Variants in NSMCE4A observed in about 807,000 individuals in gnomAD.
The protein encoded by NSMCE4A is non-structural maintenance of chromosomes element 4 homolog A.
Under a neutral mutation model 47.9 loss-of-function variants are expected in NSMCE4A, and 40 were observed. The ratio of observed to expected loss-of-function variants is 0.83; its 90% CI spans 0.65 to 1.09. NSMCE4A has a LOEUF of 1.09. NSMCE4A is among the 50% of genes least tolerant of loss of function. The pLI is 0.00. For synonymous variants in NSMCE4A, 166 were observed against 178.5 expected (o/e 0.93, Z 0.56); for missense variants, 500 against 507.0 (o/e 0.99, Z 0.13).
chr10:121,964,664 A>C (rs968337270), intron 5 of NSMCE4A, among the ~76,000 whole-genome samples: 37 of 137,196 alleles, frequency 2.7e-4, no homozygotes, highest in Middle Eastern at 5.8e-3. Flanking sequence ...CTGGTCTCGA[A>C]CTCCTGACCT....
chr10:121,958,568 T>G (rs564662486), intron 10 of NSMCE4A, among the ~76,000 whole-genome samples: 93 of 152,162 alleles, frequency 6.1e-4, no homozygotes, highest in Non-Finnish European at 1.2e-3. Flanking sequence ...AACAACAACA[T>G]GGATGAGAGG....
chr10:121,964,586 C>T (rs992200693), intron 5 of NSMCE4A, among the ~76,000 whole-genome samples: 7 of 152,112 alleles, frequency 4.6e-5, no homozygotes, highest in Non-Finnish European at 1.0e-4. Flanking sequence ...GGACTACAGG[C>T]ACCTGCCACC....
chr10:121,963,970 C>A (rs1952553195), intron 5 of NSMCE4A, among the ~76,000 whole-genome samples: 1 of 151,246 alleles, frequency 6.6e-6, no homozygotes, highest in Admixed American at 6.6e-5. Flanking sequence ...GTGGTGCCTG[C>A]CTGTAATCCC....
Position 121,967,825 on chromosome 10 carries a change from AC to A in NSMCE4A, c.502-20del. ...GTGTGAGCTACAAAAATGAAGGAAA[AC>A]AAAAAACCCAGTTAAGCCACATGCA... On this transcript the variant is annotated intron_variant, in intron 3 of 10. Coordinates refer to ENST00000369023, the MANE Select transcript of NSMCE4A (RefSeq NM_017615.3). 1 of 1,597,128 alleles carries A rather than the reference AC, an allele frequency of 6.3e-7. No individual in the cohort carries two copies. The highest frequency in any genetic ancestry group is 1.4e-5 in the African/African-American group (1 of 73,912).
intron 6 of NSMCE4A, chr10:121,962,109 TAAAAAAAA>T: frequency 3.4e-6 from 1 of 294,426 alleles, no homozygotes. Flanking sequence ...GACTGTCTCC[TAAAAAAAA>T]AAAAAAAAAA....
chr10:121,960,568 T>G lies in NSMCE4A; in HGVS notation c.940-162A>C, dbSNP rs1952479965. On this transcript the variant is annotated intron_variant, in intron 7 of 10. Transcript: ENST00000369023. The surrounding 1 kb of genome is among the most constrained non-coding windows in gnomAD (Gnocchi z 4.2). ...ATAGATAAGACTTCCCTAGTATCTT[T>G]TATTTACACAGGGTATCTTTGGGTT... Among the ~76,000 whole-genome samples the G allele has an allele frequency of 1.3e-5, 2 of 152,226 alleles. No individual in the cohort carries two copies. Among genetic ancestry groups the G allele is most frequent in the Non-Finnish European group, 2.9e-5 (2 of 68,030 alleles).
intron 4 of NSMCE4A, 67 bp downstream of exon 4, chr10:121,967,588 C>A: frequency 6.7e-7 from 1 of 1,495,688 alleles, no homozygotes; most frequent in South Asian, 1.3e-5. Flanking sequence ...TAATCTTTGT[C>A]CCTACAAGAA....
rs1253874191 is a variant in NSMCE4A, at chr10:121,965,373, T to A, written c.666A>T (p.Ile222=). ...GCTTTGGCACAGGGCACTCTCCGTA[T>A]ATTGAACCCAACCTAATGAAAAGTA... ...THTFHFLLGS[I]YGECPVPKPR... The change falls in exon 5 of 11, where the codon ATA becomes ATT. Residue 222 remains isoleucine, a synonymous_variant. Transcript: ENST00000369023. 6.2e-7 allele frequency: 1 copy of A among 1,611,422 alleles called. No individual in the cohort carries two copies. Among genetic ancestry groups the A allele is most frequent in the Non-Finnish European group, 8.5e-7 (1 of 1,179,082 alleles).
rs1257490761 is a variant in NSMCE4A at position 121,973,882 on chromosome 10, T to C, written c.370+122A>G. The stretch of plus-strand genomic sequence containing the variant: ...GGCATTATTGCTATAATGAAACGGT[T>C]CCCGAACTGGGAAAGCACTATTACA... On this transcript the variant is annotated intron_variant, in intron 2 of 10. Transcript: ENST00000369023. 3 of 680,322 alleles carry C rather than the reference T, an allele frequency of 4.4e-6. No individual in the cohort carries two copies. The African/African-American group carries it at 5.4e-5, about 12-fold the overall frequency. The allele number at this position is 680,322 out of a possible 1,614,324, so 42.1% of individuals were successfully genotyped here.
At chr10:121,972,215 G>A (rs12248004) in intron 2 of NSMCE4A, among the ~76,000 whole-genome samples, 20,042 of 152,068 alleles carry the variant, frequency 0.13, 1,517 homozygotes, top group Non-Finnish European at 0.17. Flanking sequence ...CCAGCTACTC[G>A]GGTGGCTGAA....
At chr10:121,959,439 C>T (rs767119381) in intron 9 of NSMCE4A, 29 bp from the exon 10 acceptor site, 1 of 1,613,304 alleles carries the variant, frequency 6.2e-7, no homozygotes, top group Admixed American at 1.7e-5. Context: ...CATTTAGGCA[C>T]TGGGCTTACT....
chr10:121,974,845 G>T, intron 1 of NSMCE4A, 29 bp downstream of exon 1: 1 of 1,431,138 alleles, frequency 7.0e-7, no homozygotes, highest in Non-Finnish European at 9.2e-7. Context: ...GCCCGTCCGG[G>T]CCCGCGCCGC....
rs1263536640 is a variant in NSMCE4A, at chr10:121,959,309, C to T, written c.*12+15G>A. The T allele has an allele frequency of 6.3e-7, 1 of 1,597,098 alleles. No individual in the cohort carries two copies. Among genetic ancestry groups the T allele is most frequent in the South Asian group, 1.1e-5 (1 of 90,698 alleles). ...CTTTAATAGAACTGTGTAGCCATCC[C>T]ATTGAAAAGGTTACCTTCAGCTAGC... On this transcript the variant is annotated intron_variant, in intron 10 of 10. Coordinates refer to ENST00000369023, the MANE Select transcript of NSMCE4A (RefSeq NM_017615.3).
rs1166855451 is a variant in NSMCE4A, at chr10:121,967,671, G to T, written c.637C>A (p.His213Asn). 6.2e-7 allele frequency: 1 copy of T among 1,609,552 alleles called. No homozygotes were observed. The highest frequency in any genetic ancestry group is 8.5e-7 in the Non-Finnish European group (1 of 1,179,068). Residue 213 changes from histidine to asparagine, a missense_variant, in exon 4 of 11, where the codon CAT becomes AAT. Coordinates refer to ENST00000369023, the MANE Select transcript of NSMCE4A (RefSeq NM_017615.3). ...RTAENTFNKT[H>N]TFHFLLGSIY... ...TAATCTTACAGAAAGTGGAATGTAT[G>T]GGTTTTATTAAAGGTGTTTTCTGCT...
Position 121,963,300 on chromosome 10 carries a change from T to A in NSMCE4A, c.782A>T (p.Glu261Val). ...TCTTTCTACTTCTTTCTCTGTTGCT[T>A]CTTGATGAGATTCTTCCATTCTTCT... is the stretch of plus-strand genomic sequence containing the variant. Reference protein sequence around the residue: ...QLRRMEESHQEATEKEVERIL... With the variant: ...QLRRMEESHQVATEKEVERIL... The change falls in exon 6 of 11, where the codon GAA (glutamate) becomes GTA (valine). Residue 261 changes from glutamate to valine, a missense_variant. Glu to Val is a moderately radical substitution (Grantham distance 121). Transcript: ENST00000369023. 1 of 1,611,018 alleles carries A rather than the reference T, an allele frequency of 6.2e-7. No homozygotes were observed. The highest frequency in any genetic ancestry group is 2.2e-5 in the East Asian group (1 of 44,858).
intron 6 of NSMCE4A, among the ~76,000 whole-genome samples, chr10:121,962,730 A>G (rs1279899455): frequency 2.0e-5 from 3 of 151,784 alleles, no homozygotes; most frequent in African/African-American, 7.3e-5. Flanking sequence ...CTCCTGCCTC[A>G]GCCTCCCAAG....
At chr10:121,971,219 A>C in intron 2 of NSMCE4A, 150 bp from the exon 3 acceptor site, 4 of 743,822 alleles carry the variant, frequency 5.4e-6, no homozygotes, top group African/African-American at 1.8e-5. Flanking sequence ...TCCTTCTAAA[A>C]CGTGCTCCTG....
chr10:121,961,630 G>A, intron 6 of NSMCE4A, 113 bp from the exon 7 acceptor site: 1 of 629,888 alleles, frequency 1.6e-6, no homozygotes, highest in Non-Finnish European at 2.6e-6. Flanking sequence ...CTGCAGGAGT[G>A]CAAATCAATC....
At chr10:121,966,568 T>G (rs1952610572) in intron 4 of NSMCE4A, 1 of 152,204 alleles carries the variant, frequency 6.6e-6, no homozygotes, top group Non-Finnish European at 1.5e-5. Context: ...ACCTGAAGTC[T>G]TATTAAAAAT....
Sources: allele counts gnomAD v4.1 joint callset (sites outside exome capture counted in the v4.1 genomes callset), GRCh38; gene constraint gnomAD v4.1.1; non-coding constraint Gnocchi (gnomAD v3.1); transcripts MANE v1.5; gene names NCBI Gene and HGNC (gene_info 2026-07-23, HGNC 2026-07-21).